Variants in GRIA4 observed in about 807,000 individuals in gnomAD.
GRIA4 encodes the protein glutamate ionotropic receptor AMPA type subunit 4.
A neutral mutation model predicts 104.0 loss-of-function variants in GRIA4; 34 were observed. That is an observed-to-expected ratio of 0.33 (90% CI 0.25 to 0.44). The LOEUF (loss-of-function observed/expected upper bound fraction) is 0.44, where lower values mean the gene tolerates loss of function less well. Ranked by LOEUF, GRIA4 falls within the 20% of genes least tolerant of loss-of-function variation. GRIA4 has a pLI of 1.00. For synonymous variants in GRIA4, 386 were observed against 381.9 expected, an observed-to-expected ratio of 1.01 and a Z score of -0.13; for missense variants, 750 against 1,096.5, an observed-to-expected ratio of 0.68 and a Z score of 4.46.
chr11:105,926,897 C>T lies in GRIA4; in HGVS notation c.2004C>T (p.Ala668=), dbSNP rs1248139207. ...ACCTGGCCAAACAAACAGAAATTGC[C>T]TATGGAACACTGGATTCAGGATCAA... ...AEDLAKQTEI[A]YGTLDSGSTK... The change falls in exon 13 of 17, where the codon GCC becomes GCT. Residue 668 remains alanine (A), a synonymous_variant. Coordinates refer to ENST00000282499, the MANE Select transcript of GRIA4 (RefSeq NM_000829.4). 3 of 1,611,702 alleles carry T rather than the reference C, an allele frequency of 1.9e-6. No individual in the cohort carries two copies. The Admixed American group carries it at 5.0e-5, about 27-fold the overall frequency.
intron 3 of GRIA4, among the ~76,000 whole-genome samples, chr11:105,684,149 C>A (rs1475482327): frequency 6.6e-6 from 1 of 152,116 alleles, no homozygotes. Context: ...GCTGGGATTA[C>A]AGGCTTGAGC....
chr11:105,812,016 C>T (rs536262631), intron 4 of GRIA4, among the ~76,000 whole-genome samples: 1 of 152,320 alleles, frequency 6.6e-6, no homozygotes, highest in African/African-American at 2.4e-5. Flanking sequence ...GTAAGATGCT[C>T]CATTACTGCA....
chr11:105,879,165 C>G (rs1428307067), intron 5 of GRIA4, among the ~76,000 whole-genome samples: 1 of 152,178 alleles, frequency 6.6e-6, no homozygotes, highest in South Asian at 2.1e-4. Flanking sequence ...ACCTCTTGTG[C>G]TTTCCAAGTG....
chr11:105,666,163 C>T (rs1257726852), intron 3 of GRIA4, among the ~76,000 whole-genome samples: 1 of 151,992 alleles, frequency 6.6e-6, no homozygotes, highest in African/African-American at 2.4e-5. Flanking sequence ...ACCATTGCTT[C>T]TCTTTCTCAA....
intron 6 of GRIA4, among the ~76,000 whole-genome samples, chr11:105,892,693 C>T (rs1350543773): frequency 2.0e-5 from 3 of 152,128 alleles, no homozygotes; most frequent in African/African-American, 7.2e-5. Context: ...TTTTGTGCTT[C>T]CCGTTTTTTA....
chr11:105,735,527 TAGC>T (rs1938880115), intron 3 of GRIA4, among the ~76,000 whole-genome samples: 1 of 152,194 alleles, frequency 6.6e-6, no homozygotes, highest in Admixed American at 6.6e-5. Flanking sequence ...CCTCTCCCTG[TAGC>T]AGCAAGAAAT....
chr11:105,899,511 C>T (rs1951665251), intron 7 of GRIA4, among the ~76,000 whole-genome samples: 1 of 152,144 alleles, frequency 6.6e-6, no homozygotes, highest in Non-Finnish European at 1.5e-5. Context: ...GCTTTGTTCT[C>T]TTTGTTATAT....
chr11:105,675,073 C>T (rs1366398110), intron 3 of GRIA4, among the ~76,000 whole-genome samples: 2 of 151,786 alleles, frequency 1.3e-5, no homozygotes, highest in Non-Finnish European at 1.5e-5. Flanking sequence ...GCAGAGGGTT[C>T]ATCTTCTTTT....
At chr11:105,696,964 G>A (rs948421160) in intron 3 of GRIA4, among the ~76,000 whole-genome samples, 2 of 151,832 alleles carry the variant, frequency 1.3e-5, no homozygotes, top group South Asian at 2.1e-4. Context: ...GGGTTTCACC[G>A]TGTTGGCCAG....
intron 3 of GRIA4, among the ~76,000 whole-genome samples, chr11:105,733,478 A>G (rs1013730417): frequency 1.2e-4 from 18 of 151,926 alleles, no homozygotes; most frequent in African/African-American, 4.3e-4. Flanking sequence ...TCTTTTTGAG[A>G]CGGAGTCTGG....
chr11:105,976,634 C>T (rs1858996654), intron 16 of GRIA4, among the ~76,000 whole-genome samples: 1 of 151,952 alleles, frequency 6.6e-6, no homozygotes, highest in South Asian at 2.1e-4. Context: ...ACTCTATGAC[C>T]ATAATTATGG....
intron 4 of GRIA4, among the ~76,000 whole-genome samples, chr11:105,758,009 C>T (rs1010769012): frequency 6.6e-6 from 1 of 151,996 alleles, no homozygotes; most frequent in African/African-American, 2.4e-5. Flanking sequence ...TTTAGGAGGA[C>T]GAAGTGGGAG....
At chr11:105,720,652 C>T (rs1035107201) in intron 3 of GRIA4, among the ~76,000 whole-genome samples, 2 of 152,146 alleles carry the variant, frequency 1.3e-5, no homozygotes, top group African/African-American at 2.4e-5. Flanking sequence ...ATCCCTTAGA[C>T]GTTTATGTTA....
At position 105,887,547 on chromosome 11, in the gene GRIA4, G is replaced by C; in HGVS notation, c.701G>C (p.Gly234Ala). 1 of 1,456,322 alleles carries C rather than the reference G, an allele frequency of 6.9e-7. No individual in the cohort carries two copies. Among genetic ancestry groups the C allele is most frequent in the African/African-American group, 1.4e-5 (1 of 71,304 alleles). The allele number at this position is 1,456,322 out of a possible 1,614,324, so 90.2% of individuals were successfully genotyped here. A position where few individuals can be genotyped will look rare whatever the true frequency, so the allele number is the denominator to read the frequency against. Residue 234 changes from glycine (G) to alanine (A), a missense_variant, in exon 6 of 17, where the codon GGC (glycine) becomes GCC (alanine). Around this residue, in one of 3 missense-constraint regions of GRIA4, gnomAD observed 410 missense variants for 502.7 expected, o/e 0.82. Transcript: ENST00000282499. ...QIVSVGKHVK[G>A]YHYIIANLGF... ...GTAAGTGTTGGAAAGCATGTTAAAGGCTACCATTATATCATTGCAAACTTG... is the reference window on the plus strand; with the variant it reads ...GTAAGTGTTGGAAAGCATGTTAAAGCCTACCATTATATCATTGCAAACTTG...
chr11:105,947,118 C>T (rs965651635), intron 14 of GRIA4, among the ~76,000 whole-genome samples: 2 of 152,144 alleles, frequency 1.3e-5, no homozygotes, highest in African/African-American at 4.8e-5. Flanking sequence ...AACATCAAAA[C>T]ATAATATCTA....
At chr11:105,886,474 T>C (rs906797832) in intron 5 of GRIA4, among the ~76,000 whole-genome samples, 11 of 151,782 alleles carry the variant, frequency 7.2e-5, no homozygotes, top group African/African-American at 1.2e-4. Flanking sequence ...CCATTAACCA[T>C]TCCCACCTCC....
At position 105,926,723 on chromosome 11, in the gene GRIA4, T is replaced by C; in HGVS notation, c.1848-18T>C. ...TGGTTAAAGAAAGGAAAATGTGCATTATTTTATCCATGTTTAGATCCCTCT... is the reference window on the plus strand; with the variant it reads ...TGGTTAAAGAAAGGAAAATGTGCATCATTTTATCCATGTTTAGATCCCTCT... On this transcript the variant is annotated intron_variant, in intron 12 of 16. Transcript: ENST00000282499. 6.6e-7 allele frequency: 1 copy of C among 1,513,340 alleles called. No individual in the cohort carries two copies. The highest frequency in any genetic ancestry group is 9.2e-7 in the Non-Finnish European group (1 of 1,089,012). The allele number at this position is 1,513,340 out of a possible 1,614,324, so 93.7% of individuals were successfully genotyped here.
intron 3 of GRIA4, among the ~76,000 whole-genome samples, chr11:105,737,700 TATA>T (rs1939042065): frequency 1.3e-5 from 2 of 151,988 alleles, no homozygotes; most frequent in Non-Finnish European, 2.9e-5. Flanking sequence ...GCAATAAAGG[TATA>T]ATGGTCAAAA....
At chr11:105,887,049 G>C (rs1039463954) in intron 5 of GRIA4, among the ~76,000 whole-genome samples, 7 of 151,962 alleles carry the variant, frequency 4.6e-5, no homozygotes, top group Admixed American at 2.0e-4. Context: ...TATAAACAGA[G>C]ATTGTGCCTT....
Sources: gnomAD v4.1 joint callset for allele counts (sites outside exome capture counted in the v4.1 genomes callset) on GRCh38, gnomAD v4.1.1 for gene constraint, gnomAD v4.1.1 regional missense constraint, MANE v1.5 for transcripts, NCBI Gene and HGNC (gene_info 2026-07-23, HGNC 2026-07-21) for gene names.